The following CABLES1 variants were observed in gnomAD, a reference collection of about 807,000 sequenced individuals.
The protein encoded by CABLES1 is CDK5 and ABL1 enzyme substrate 1.
A neutral mutation model predicts 57.8 loss-of-function variants in CABLES1; 36 were observed. That is an observed-to-expected ratio of 0.62 (90% CI 0.48 to 0.82). The LOEUF is 0.82. CABLES1 is among the 40% of genes least tolerant of loss of function. The pLI is 0.00. For missense variants in CABLES1, 767 were observed against 836.6 expected (o/e 0.92, Z 1.03); for synonymous variants, 374 against 363.0 (o/e 1.03, Z -0.35).
chr18:23,173,918 G>A (rs938044239), intron 1 of CABLES1, among the ~76,000 whole-genome samples: 2 of 152,132 alleles, frequency 1.3e-5, no homozygotes, highest in African/African-American at 2.4e-5. Context: ...AGCTGAGATC[G>A]CACCACTGCA....
chr18:23,153,285 A>G (rs1226460094), intron 1 of CABLES1, among the ~76,000 whole-genome samples: 1 of 150,834 alleles, frequency 6.6e-6, no homozygotes, highest in African/African-American at 2.4e-5. Flanking sequence ...TTTTGTAGAG[A>G]TGAGATTTCA....
chr18:23,210,951 A>C (rs2047400328), intron 3 of CABLES1, among the ~76,000 whole-genome samples: 2 of 152,148 alleles, frequency 1.3e-5, no homozygotes, highest in Admixed American at 1.3e-4. Flanking sequence ...TAGCAACCCT[A>C]CTGGAATTGT....
Position 23,174,599 on chromosome 18 carries a change from G to A in CABLES1, c.846-14239G>A, listed in dbSNP as rs970728653. On this transcript the variant is annotated intron_variant, in intron 1 of 9. Transcript: ENST00000256925. ...CCATTCTCCTGCCTCAGCCTCCCGAGTAGCTGGGACTACAGGCACCCACCA... is the reference window on the plus strand; with the variant it reads ...CCATTCTCCTGCCTCAGCCTCCCGAATAGCTGGGACTACAGGCACCCACCA... Among the ~76,000 whole-genome samples the A allele has an allele frequency of 4.6e-5, 7 of 151,564 alleles. 1 individual carries two copies. The East Asian group carries it at 1.2e-3, about 25-fold the overall frequency.
At chr18:23,206,943 T>C (rs1392568126) in intron 3 of CABLES1, among the ~76,000 whole-genome samples, 1 of 151,984 alleles carries the variant, frequency 6.6e-6, no homozygotes, top group Non-Finnish European at 1.5e-5. Context: ...CTTGAGTAGC[T>C]GGGACTACAG....
upstream of CABLES1, chr18:23,134,742 G>A (rs546987545): frequency 2.6e-5 from 4 of 152,158 alleles, no homozygotes; most frequent in Non-Finnish European, 5.9e-5. Context: ...TAAAAAATTT[G>A]CGTTGTCCTT....
chr18:23,155,798 G>A lies in CABLES1; in HGVS notation c.845+19191G>A. 3.2e-6 allele frequency: 5 copies of A among 1,579,728 alleles called. No homozygotes were observed. In the South Asian group the frequency reaches 4.7e-5, roughly 15 times the overall value. On this transcript the variant is annotated intron_variant, in intron 1 of 9. Coordinates refer to ENST00000256925, the MANE Select transcript of CABLES1 (RefSeq NM_001100619.3). ...CTTTTCATTTTGAGTCTTAGGTTTG[G>A]TCTCAACAGTGCTTGCTTAGCCTCC...
At chr18:23,191,475 C>T (rs927838820) in intron 2 of CABLES1, among the ~76,000 whole-genome samples, 9 of 152,250 alleles carry the variant, frequency 5.9e-5, no homozygotes, top group East Asian at 5.8e-4. Context: ...ATTGGCTGAT[C>T]GCTGAAGCCT....
At chr18:23,174,884 A>G (rs911467483) in intron 1 of CABLES1, among the ~76,000 whole-genome samples, 2 of 144,540 alleles carry the variant, frequency 1.4e-5, no homozygotes, top group African/African-American at 5.2e-5. Flanking sequence ...GCAGTAAAAT[A>G]AACTCGATAG....
At chr18:23,246,713 A>G (rs1290893405) in intron 7 of CABLES1, among the ~76,000 whole-genome samples, 1 of 151,520 alleles carries the variant, frequency 6.6e-6, no homozygotes, top group South Asian at 2.1e-4. Flanking sequence ...TTTGTTTTTG[A>G]GACAGTCTCA....
intron 7 of CABLES1, among the ~76,000 whole-genome samples, chr18:23,250,255 T>A (rs1184932371): frequency 6.6e-6 from 1 of 152,234 alleles, no homozygotes; most frequent in East Asian, 1.9e-4. Context: ...TACTTGAGCC[T>A]GCTCACATCA....
intron 4 of CABLES1, among the ~76,000 whole-genome samples, chr18:23,217,904 C>T (rs1241561778): frequency 2.0e-5 from 3 of 152,250 alleles, no homozygotes; most frequent in Non-Finnish European, 2.9e-5. Flanking sequence ...AGCTCACCCA[C>T]AGCCCCACAC....
At chr18:23,152,011 T>C (rs1417012663) in intron 1 of CABLES1, among the ~76,000 whole-genome samples, 1 of 152,084 alleles carries the variant, frequency 6.6e-6, no homozygotes, top group African/African-American at 2.4e-5. Context: ...TGGAAGGCAT[T>C]GAGGAGACTC....
At chr18:23,230,499 G>C (rs1338518084) in intron 4 of CABLES1, among the ~76,000 whole-genome samples, 1 of 152,196 alleles carries the variant, frequency 6.6e-6, no homozygotes, top group African/African-American at 2.4e-5. Flanking sequence ...CCAGCAAAAT[G>C]GTAGCCCTGA....
intron 3 of CABLES1, among the ~76,000 whole-genome samples, chr18:23,202,108 G>A (rs867283879): frequency 1.3e-5 from 2 of 152,218 alleles, no homozygotes; most frequent in African/African-American, 2.4e-5. Context: ...GCGGAGGTCC[G>A]TCTGGTTGTG....
At chr18:23,227,094 T>G (rs1266623539) in intron 4 of CABLES1, 1 of 152,162 alleles carries the variant, frequency 6.6e-6, no homozygotes, top group Non-Finnish European at 1.5e-5. Flanking sequence ...GTTTATATCC[T>G]TAACTTTTGG....
At chr18:23,176,692 C>T (rs1263943479) in intron 1 of CABLES1, among the ~76,000 whole-genome samples, 1 of 152,094 alleles carries the variant, frequency 6.6e-6, no homozygotes, top group Non-Finnish European at 1.5e-5. Context: ...TTCCATAAAC[C>T]ACTATTGAGT....
Position 23,237,209 on chromosome 18 carries a change from C to G in CABLES1, c.1410C>G (p.Gly470=). 6.2e-7 allele frequency: 1 copy of G among 1,613,530 alleles called. No homozygotes were observed. Among genetic ancestry groups the G allele is most frequent in the Non-Finnish European group, 8.5e-7 (1 of 1,179,386 alleles). The change falls in exon 7 of 10, where the codon GGC becomes GGG. Residue 470 remains glycine, a synonymous_variant. Transcript: ENST00000256925. ...TGGATGACCCCCAGTGGCCTTGTGGCAAACACAAACGCGTTCTGATCTTCC... is the reference window on the plus strand; with the variant it reads ...TGGATGACCCCCAGTGGCCTTGTGGGAAACACAAACGCGTTCTGATCTTCC... ...NLLDDPQWPC[G]KHKRVLIFPS...
chr18:23,181,309 C>G (rs2047164101), intron 1 of CABLES1, among the ~76,000 whole-genome samples: 1 of 148,298 alleles, frequency 6.7e-6, no homozygotes. Flanking sequence ...GACTGGCCAA[C>G]ATGGTGAAAC....
intron 5 of CABLES1, 24 bp downstream of exon 5, chr18:23,234,728 A>T: frequency 6.3e-7 from 1 of 1,593,212 alleles, no homozygotes; most frequent in Non-Finnish European, 8.6e-7. Flanking sequence ...GCTGCCAGTC[A>T]CCAAGTTGTG....
Sources: allele counts gnomAD v4.1 joint callset (sites outside exome capture counted in the v4.1 genomes callset), GRCh38; gene constraint gnomAD v4.1.1; transcripts MANE v1.5; gene names NCBI Gene and HGNC (gene_info 2026-07-23, HGNC 2026-07-21).